PDE1C: variants seen among roughly 807,000 people sequenced by gnomAD.
PDE1C encodes dual specificity calcium/calmodulin-dependent 3',5'-cyclic nucleotide phosphodiesterase 1C.
Under a neutral mutation model 93.1 loss-of-function variants are expected in PDE1C, and 62 were observed. That is an observed-to-expected ratio of 0.67 (90% CI 0.54 to 0.82). PDE1C has a LOEUF of 0.82. PDE1C is among the 40% of genes least tolerant of loss of function. The probability of loss-of-function intolerance (pLI) is 0.00; values close to 1 mark genes in which losing one functional copy is unlikely to be tolerated. For synonymous variants in PDE1C, 325 were observed against 310.1 expected (o/e 1.05, Z -0.50); for missense variants, 742 against 884.6 (o/e 0.84, Z 2.04).
At chr7:31,693,965 AG>A in the PDE1C span, among the ~76,000 whole-genome samples, 4 of 152,234 alleles carry the variant, frequency 2.6e-5, no homozygotes, top group African/African-American at 9.6e-5. Context: ...GAAGACAAAA[AG>A]TTTCACTGTC....
intron 2 of PDE1C, among the ~76,000 whole-genome samples, chr7:31,898,541 T>C (rs1180925335): frequency 6.6e-6 from 1 of 152,200 alleles, no homozygotes; most frequent in African/African-American, 2.4e-5. Context: ...GACATTTAGG[T>C]TGTTTCTGAT....
At chr7:31,989,217 T>C (rs1783856106) in intron 2 of PDE1C, among the ~76,000 whole-genome samples, 2 of 152,158 alleles carry the variant, frequency 1.3e-5, no homozygotes. Context: ...TTTGCTTTAT[T>C]TTCATTTGTG....
chr7:31,771,390 G>T (rs2392002), intron 17 of PDE1C, among the ~76,000 whole-genome samples: 66,837 of 152,036 alleles, frequency 0.44, 15,091 homozygotes, highest in African/African-American at 0.49. Context: ...CCTGCTATTT[G>T]CTGTTTGTCT....
intron 16 of PDE1C, chr7:31,783,852 C>A (rs1225825061): frequency 6.6e-6 from 1 of 152,216 alleles, no homozygotes; most frequent in Non-Finnish European, 1.5e-5. Flanking sequence ...ATGCAAATTA[C>A]AACCTGCATT....
At chr7:32,324,677 G>A (rs1043076523) in intron 1 of PDE1C, among the ~76,000 whole-genome samples, 13 of 152,172 alleles carry the variant, frequency 8.5e-5, no homozygotes, top group Non-Finnish European at 1.8e-4. Flanking sequence ...GGTTGGGCGC[G>A]GTGGCTCATG....
intron 6 of PDE1C, among the ~76,000 whole-genome samples, chr7:31,869,764 G>T (rs1243071167): frequency 6.6e-6 from 1 of 151,978 alleles, no homozygotes; most frequent in Non-Finnish European, 1.5e-5. Context: ...AGACCAAATG[G>T]ACCTAATAGA....
At chr7:31,968,990 T>C (rs1216851549) in intron 2 of PDE1C, among the ~76,000 whole-genome samples, 4 of 152,136 alleles carry the variant, frequency 2.6e-5, no homozygotes. Flanking sequence ...TCAAGATGGA[T>C]TGAAGACTTA....
At chr7:32,091,129 C>T (rs1329155689) in intron 3 of PDE1C, among the ~76,000 whole-genome samples, 1 of 152,172 alleles carries the variant, frequency 6.6e-6, no homozygotes, top group Admixed American at 6.5e-5. Context: ...AGCAGTAGTG[C>T]TTATTGAATA....
At chr7:32,058,915 T>C (rs2128704740) in intron 1 of PDE1C, among the ~76,000 whole-genome samples, 2 of 151,836 alleles carry the variant, frequency 1.3e-5, no homozygotes, top group Admixed American at 1.3e-4. Context: ...TTTTCCTGCC[T>C]GGCCAAAAGT....
chr7:32,181,660 G>A (rs1562555069), intron 2 of PDE1C, among the ~76,000 whole-genome samples: 1 of 151,810 alleles, frequency 6.6e-6, no homozygotes. Flanking sequence ...GTGTGTAGAG[G>A]GAAATTTATA....
At chr7:31,857,099 T>G (rs975370435) in intron 7 of PDE1C, among the ~76,000 whole-genome samples, 1 of 152,164 alleles carries the variant, frequency 6.6e-6, no homozygotes, top group South Asian at 2.1e-4. Flanking sequence ...AGGCCATCTC[T>G]CCAAATACAG....
the PDE1C span, among the ~76,000 whole-genome samples, chr7:31,697,538 G>A: frequency 6.6e-6 from 1 of 152,152 alleles, no homozygotes; most frequent in African/African-American, 2.4e-5. Context: ...AATAAGGATA[G>A]CTATCTGAAT....
chr7:31,689,838 G>A, the PDE1C span, among the ~76,000 whole-genome samples: 3 of 152,158 alleles, frequency 2.0e-5, no homozygotes, highest in Non-Finnish European at 4.4e-5. Flanking sequence ...TCCCTGCACG[G>A]CATGGGATAT....
the PDE1C span, among the ~76,000 whole-genome samples, chr7:31,621,908 A>C: frequency 6.6e-6 from 1 of 151,664 alleles, no homozygotes; most frequent in Non-Finnish European, 1.5e-5. Flanking sequence ...GGATGGAGGA[A>C]GATCTACCAA....
intron 1 of PDE1C, among the ~76,000 whole-genome samples, chr7:32,057,883 T>C (rs1051573573): frequency 6.6e-6 from 1 of 152,196 alleles, no homozygotes; most frequent in African/African-American, 2.4e-5. Context: ...TCTAATAGCC[T>C]GGATAAGTGA....
At chr7:32,360,235 G>A (rs956107893) in intron 1 of PDE1C, among the ~76,000 whole-genome samples, 9 of 152,314 alleles carry the variant, frequency 5.9e-5, no homozygotes, top group Admixed American at 1.3e-4. Flanking sequence ...ACCATGAAAC[G>A]TTAATTGTCT....
chr7:31,629,047 C>T, the PDE1C span, among the ~76,000 whole-genome samples: 1 of 152,116 alleles, frequency 6.6e-6, no homozygotes, highest in Non-Finnish European at 1.5e-5. Flanking sequence ...AATTTGAAAC[C>T]TATCTATTGT....
intron 2 of PDE1C, among the ~76,000 whole-genome samples, chr7:31,962,477 TCAACTGCTATC>T (rs1447562142): frequency 6.6e-6 from 1 of 152,216 alleles, no homozygotes; most frequent in African/African-American, 2.4e-5. Context: ...CATTTCTGCT[TCAACTGCTATC>T]CCTACAGGCC....
At chr7:31,959,609 T>C (rs960554527) in intron 2 of PDE1C, among the ~76,000 whole-genome samples, 11 of 152,176 alleles carry the variant, frequency 7.2e-5, no homozygotes, top group Non-Finnish European at 5.9e-5. Flanking sequence ...AGGAAATTGA[T>C]AGAGTTTGAT....
Sources: allele counts gnomAD v4.1 joint callset (sites outside exome capture counted in the v4.1 genomes callset), GRCh38; gene constraint gnomAD v4.1.1; transcripts MANE v1.5; gene names NCBI Gene and HGNC (gene_info 2026-07-23, HGNC 2026-07-21).